Variants in NOVA1 observed in about 807,000 individuals in gnomAD.
NOVA1 encodes the protein RNA-binding protein Nova-1.
A neutral mutation model predicts 38.0 loss-of-function variants in NOVA1; 7 were observed. The observed-to-expected ratio is 0.18, with a 90% confidence interval of 0.10 to 0.35. The LOEUF (loss-of-function observed/expected upper bound fraction) is 0.35, where lower values mean the gene tolerates loss of function less well. Ranked by LOEUF, NOVA1 falls within the 10% of genes least tolerant of loss-of-function variation. The pLI is 1.00. For synonymous variants in NOVA1, 270 were observed against 232.5 expected (o/e 1.16, Z -1.47); for missense variants, 460 against 616.0 (o/e 0.75, Z 2.68).
At chr14:26,533,999 T>A (rs1253327692) in intron 2 of NOVA1, among the ~76,000 whole-genome samples, 2 of 152,198 alleles carry the variant, frequency 1.3e-5, no homozygotes, top group Non-Finnish European at 2.9e-5. Flanking sequence ...AGAATTTTCA[T>A]GCTACAAAAA....
At chr14:26,493,273 C>T (rs1886497599) in intron 2 of NOVA1, among the ~76,000 whole-genome samples, 1 of 152,138 alleles carries the variant, frequency 6.6e-6, no homozygotes, top group African/African-American at 2.4e-5. Context: ...TAGGTAACTA[C>T]AATTCAGGTA....
At chr14:26,477,327 A>C (rs1885066643) in intron 3 of NOVA1, among the ~76,000 whole-genome samples, 1 of 152,122 alleles carries the variant, frequency 6.6e-6, no homozygotes, top group Admixed American at 6.5e-5. Context: ...GAATTCTTTA[A>C]ATGTCCATAA....
intron 2 of NOVA1, among the ~76,000 whole-genome samples, chr14:26,509,548 T>C (rs1178699705): frequency 1.3e-5 from 2 of 152,208 alleles, no homozygotes; most frequent in Non-Finnish European, 2.9e-5. Context: ...AGAGAGATTT[T>C]ATAGATAAAA....
chr14:26,514,283 C>T (rs1475312473), intron 2 of NOVA1, among the ~76,000 whole-genome samples: 2 of 151,650 alleles, frequency 1.3e-5, no homozygotes, highest in Non-Finnish European at 3.0e-5. Flanking sequence ...AAAAAATCAA[C>T]TCTATTAAAT....
intron 2 of NOVA1, among the ~76,000 whole-genome samples, chr14:26,533,916 ATCAAATAAATATAT>A (rs1201556726): frequency 6.6e-6 from 1 of 152,228 alleles, no homozygotes; most frequent in Admixed American, 6.5e-5. Context: ...AAAAAGGCCT[ATCAAATAAATATAT>A]TCAAATAAGC....
In NOVA1 at chr14:26,462,635, A is replaced by G. The variant is rs568938609; in HGVS notation, c.519+9685T>C. ...ATGTTACACAATCATTTAATTCGGC[A>G]TAACTTTAAAATATGAAGCAATTGC... On this transcript the variant is annotated intron_variant, in intron 4 of 4. Transcript: ENST00000539517. 2.4e-4 allele frequency among the ~76,000 whole-genome samples: 36 copies of G among 152,348 alleles called. No homozygotes were observed. The South Asian group carries it at 6.6e-3, about 28-fold the overall frequency.
chr14:26,490,162 C>G (rs550127977), intron 2 of NOVA1, among the ~76,000 whole-genome samples: 2 of 152,328 alleles, frequency 1.3e-5, no homozygotes, highest in Admixed American at 1.3e-4. Flanking sequence ...TCAAGATGCA[C>G]TGATGTAGCA....
At chr14:26,544,789 T>C (rs1330558038) in intron 2 of NOVA1, among the ~76,000 whole-genome samples, 2 of 151,902 alleles carry the variant, frequency 1.3e-5, no homozygotes, top group East Asian at 3.9e-4. Context: ...TAAACAGCAT[T>C]TTATCAAGGA....
chr14:26,597,370 G>T lies in NOVA1; in HGVS notation c.67C>A (p.Pro23Thr). 7.8e-7 allele frequency: 1 copy of T among 1,274,216 alleles called. No homozygotes were observed. Among genetic ancestry groups the T allele is most frequent in the East Asian group, 2.9e-5 (1 of 34,604 alleles). The allele number at this position is 1,274,216 out of a possible 1,614,324, so 78.9% of individuals were successfully genotyped here. A position where few individuals can be genotyped will look rare whatever the true frequency, so the allele number is the denominator to read the frequency against. ...TCCAGCGGCCTTTTCCGCGAGTCCGGCGGGTCCAGGTCTATGGGAACCCCA... is the reference window on the plus strand; with the variant it reads ...TCCAGCGGCCTTTTCCGCGAGTCCGTCGGGTCCAGGTCTATGGGAACCCCA... ...HTGVPIDLDP[P>T]DSRKRPLEAP... Residue 23 changes from proline to threonine, a missense_variant, in exon 1 of 5, where the codon CCG (proline) becomes ACG (threonine). Pro to Thr is a conservative substitution (Grantham distance 38, BLOSUM62 -1). Coordinates refer to ENST00000539517, the MANE Select transcript of NOVA1 (RefSeq NM_002515.3).
At chr14:26,449,909 T>G (rs1882494054) in intron 4 of NOVA1, among the ~76,000 whole-genome samples, 1 of 152,152 alleles carries the variant, frequency 6.6e-6, no homozygotes, top group Admixed American at 6.5e-5. Context: ...ATATTTTGAC[T>G]TAATCACAAT....
chr14:26,466,152 T>C (rs1884114687), intron 4 of NOVA1, among the ~76,000 whole-genome samples: 1 of 152,142 alleles, frequency 6.6e-6, no homozygotes, highest in Non-Finnish European at 1.5e-5. Flanking sequence ...AGGGTATGCC[T>C]GATGTCTGCA....
chr14:26,529,762 T>C (rs535916957), intron 2 of NOVA1, among the ~76,000 whole-genome samples: 21 of 152,280 alleles, frequency 1.4e-4, no homozygotes, highest in African/African-American at 4.8e-4. Flanking sequence ...AGCTGTACTC[T>C]AGAATTGAGT....
At chr14:26,474,385 A>G (rs1884813630) in intron 3 of NOVA1, among the ~76,000 whole-genome samples, 1 of 152,192 alleles carries the variant, frequency 6.6e-6, no homozygotes. Flanking sequence ...GCAAAGAACC[A>G]TGTAGAAAAA....
At chr14:26,500,029 T>C (rs1242738006) in intron 2 of NOVA1, among the ~76,000 whole-genome samples, 3 of 152,062 alleles carry the variant, frequency 2.0e-5, no homozygotes, top group Non-Finnish European at 4.4e-5. Flanking sequence ...GATTGCACAT[T>C]CATCCTTTTA....
At position 26,486,696 on chromosome 14, in the gene NOVA1, CAAAAAAAAAAAA is replaced by C. The variant is rs59078775; in HGVS notation, c.281-6565_281-6554del. ...TGCACTCCAGCCTGGGTGACAGACT[CAAAAAAAAAAAA>C]AAAAAAAAAAAAAGCCAAACAAACA... On this transcript the variant is annotated intron_variant, in intron 2 of 4. Coordinates refer to ENST00000539517, the MANE Select transcript of NOVA1 (RefSeq NM_002515.3). 1.4e-3 allele frequency among the ~76,000 whole-genome samples: 32 copies of C among 23,108 alleles called. 1 individual carries two copies. Among genetic ancestry groups the C allele is most frequent in the African/African-American group, 3.8e-3 (22 of 5,738 alleles). 15.2% of individuals were successfully genotyped at this position (23,108 alleles called of 152,430 possible). A position where few individuals can be genotyped will look rare whatever the true frequency, so the allele number is the denominator to read the frequency against.
intron 2 of NOVA1, among the ~76,000 whole-genome samples, chr14:26,525,758 C>T (rs1232478729): frequency 2.0e-5 from 3 of 152,156 alleles, no homozygotes; most frequent in South Asian, 2.1e-4. Context: ...AGTTTCTTGA[C>T]ATTCTCACCT....
chr14:26,564,526 TG>T (rs1183996319), intron 2 of NOVA1, among the ~76,000 whole-genome samples: 5 of 152,140 alleles, frequency 3.3e-5, no homozygotes, highest in Non-Finnish European at 7.4e-5. Context: ...CTCCAGAAAC[TG>T]AGTTTTTAAA....
intron 2 of NOVA1, among the ~76,000 whole-genome samples, chr14:26,513,291 C>G (rs1428949005): frequency 6.6e-6 from 1 of 151,728 alleles, no homozygotes; most frequent in Admixed American, 6.6e-5. Context: ...TATGGATTTT[C>G]ATTAAATTTC....
chr14:26,562,816 C>T (rs547007791), intron 2 of NOVA1, among the ~76,000 whole-genome samples: 8 of 152,196 alleles, frequency 5.3e-5, no homozygotes, highest in Non-Finnish European at 1.2e-4. Context: ...TTTTCTCCCC[C>T]TTGAAGTTCA....
Sources: allele counts gnomAD v4.1 joint callset (sites outside exome capture counted in the v4.1 genomes callset), GRCh38; gene constraint gnomAD v4.1.1; transcripts MANE v1.5; gene names NCBI Gene and HGNC (gene_info 2026-07-23, HGNC 2026-07-21).